The following LBR variants were observed in gnomAD, a reference collection of about 807,000 sequenced individuals.
LBR encodes delta(14)-sterol reductase LBR.
LBR carries 28 observed loss-of-function variants against 74.3 expected under a neutral mutation model. The observed-to-expected ratio is 0.38, with a 90% CI of 0.28 to 0.52. The LOEUF is 0.52. Among genes scored for constraint, LBR ranks in the 20% least tolerant of loss-of-function variants. The probability of loss-of-function intolerance (pLI) is 0.89; values close to 1 mark genes in which losing one functional copy is unlikely to be tolerated. For missense variants in LBR, 717 were observed against 760.3 expected, an observed-to-expected ratio of 0.94 and a Z score of 0.67; for synonymous variants, 228 against 269.3, an observed-to-expected ratio of 0.85 and a Z score of 1.50.
At chr1:225,404,992 C>T (rs757751144) in intron 11 of LBR, among the ~76,000 whole-genome samples, 4 of 152,120 alleles carry the variant, frequency 2.6e-5, no homozygotes, top group Non-Finnish European at 5.9e-5. Context: ...AATCATCCAC[C>T]TAGGAAACGC....
At chr1:225,423,020 C>A (rs2150959113) in intron 2 of LBR, among the ~76,000 whole-genome samples, 1 of 152,338 alleles carries the variant, frequency 6.6e-6, no homozygotes, top group Middle Eastern at 3.4e-3. Flanking sequence ...TATTTACTTT[C>A]TGTGCTTTAT....
In LBR at chr1:225,419,064, T is replaced by A. The variant is rs140731412; in HGVS notation, c.640+199A>T. ...ACAGCTACAATGGCATCCTTTCTAC[T>A]CCATAATCCCTCAAAATGCTCCCAC... is the stretch of plus-strand genomic sequence containing the variant. On this transcript the variant is annotated intron_variant, in intron 5 of 13. Coordinates refer to ENST00000272163, the MANE Select transcript of LBR (RefSeq NM_002296.4). Among the ~76,000 whole-genome samples, 24 of 152,332 alleles carry A rather than the reference T, an allele frequency of 1.6e-4. No individual in the cohort carries two copies. The East Asian group carries it at 4.4e-3, about 28-fold the overall frequency.
chr1:225,405,350 T>G (rs950481987), intron 11 of LBR, among the ~76,000 whole-genome samples: 7 of 152,232 alleles, frequency 4.6e-5, no homozygotes. Flanking sequence ...ACTTCCTGCT[T>G]TGGTTTGAAT....
chr1:225,413,074 A>G (rs1350520723), intron 7 of LBR, among the ~76,000 whole-genome samples: 1 of 152,222 alleles, frequency 6.6e-6, no homozygotes. Flanking sequence ...TCAGGCACCG[A>G]GCCAGGTTGG....
intron 3 of LBR, among the ~76,000 whole-genome samples, chr1:225,421,054 T>C (rs775118418): frequency 1.3e-5 from 2 of 152,216 alleles, no homozygotes; most frequent in Non-Finnish European, 2.9e-5. Context: ...AAGTTACATG[T>C]ATACAATTTA....
chr1:225,403,950 G>T (rs888928765), intron 13 of LBR, among the ~76,000 whole-genome samples: 9 of 135,582 alleles, frequency 6.6e-5, no homozygotes, highest in African/African-American at 2.5e-4. Flanking sequence ...AGTACCTCCA[G>T]CTCCCCCTGA....
At chr1:225,414,182 G>T (rs758350141) in intron 7 of LBR, 11 of 455,012 alleles carry the variant, frequency 2.4e-5, no homozygotes, top group South Asian at 3.1e-5. Context: ...ACCCACCAGG[G>T]GTCAGACTCT....
chr1:225,404,821 G>A (rs2150943715), intron 11 of LBR, 115 bp from the exon 12 acceptor site: 1 of 815,518 alleles, frequency 1.2e-6, no homozygotes, highest in East Asian at 2.7e-5. Context: ...TTCCAAAGCA[G>A]ACTCCTAGGC....
chr1:225,417,829 A>T, intron 6 of LBR, 155 bp downstream of exon 6: 1 of 689,274 alleles, frequency 1.5e-6, no homozygotes. Flanking sequence ...CCTTTAAACT[A>T]CTCTAAGGCT....
At chr1:225,411,570 TGA>T in intron 8 of LBR, 130 bp from the exon 9 acceptor site, 1 of 746,302 alleles carries the variant, frequency 1.3e-6, no homozygotes, top group African/African-American at 1.7e-5. Flanking sequence ...GCTCTGGTGG[TGA>T]GAGGCAGACA....
intron 7 of LBR, chr1:225,413,761 G>A (rs1327833278): frequency 1.8e-5 from 6 of 336,852 alleles, no homozygotes; most frequent in East Asian, 7.6e-5. Flanking sequence ...GTTAATAATC[G>A]TAAAATCTCG....
At chr1:225,420,341 G>A (rs1386766173) in intron 3 of LBR, among the ~76,000 whole-genome samples, 6 of 150,636 alleles carry the variant, frequency 4.0e-5, no homozygotes, top group Non-Finnish European at 8.9e-5. Context: ...GATCTTTCAC[G>A]TAATCAGACT....
intron 1 of LBR, among the ~76,000 whole-genome samples, chr1:225,425,475 T>C (rs2096137329): frequency 6.6e-6 from 1 of 152,124 alleles, no homozygotes; most frequent in East Asian, 1.9e-4. Flanking sequence ...GGGTTTGGGC[T>C]TGGAGTAGTG....
intron 1 of LBR, 53 bp from the exon 2 acceptor site, chr1:225,424,142 T>TGA: frequency 2.2e-6 from 3 of 1,371,042 alleles, no homozygotes; most frequent in Non-Finnish European, 3.1e-6. Context: ...ATTTATGTAT[T>TGA]CGTCTTTTTC....
At chr1:225,405,281 T>C (rs890367615) in intron 11 of LBR, among the ~76,000 whole-genome samples, 1 of 152,232 alleles carries the variant, frequency 6.6e-6, no homozygotes, top group African/African-American at 2.4e-5. Context: ...AATCAATCTA[T>C]CACTGACATT....
chr1:225,420,203 C>T (rs371800562), intron 3 of LBR, among the ~76,000 whole-genome samples: 1 of 150,912 alleles, frequency 6.6e-6, no homozygotes, highest in Admixed American at 6.6e-5. Context: ...CCAGCTACTT[C>T]GGAAGCTGAG....
At chr1:225,414,250 A>G (rs1472890982) in intron 7 of LBR, 1 of 418,166 alleles carries the variant, frequency 2.4e-6, no homozygotes, top group East Asian at 7.1e-5. Context: ...AGGTGTCTAA[A>G]CTATCTTTGG....
At chr1:225,419,519 T>C in intron 4 of LBR, 67 bp from the exon 5 acceptor site, 1 of 1,129,236 alleles carries the variant, frequency 8.9e-7, no homozygotes, top group Non-Finnish European at 1.3e-6. Context: ...CTGCATTAAC[T>C]ATTTCAGCAT....
At chr1:225,420,748 A>C (rs1187213921) in intron 3 of LBR, among the ~76,000 whole-genome samples, 1 of 152,086 alleles carries the variant, frequency 6.6e-6, no homozygotes, top group Non-Finnish European at 1.5e-5. Context: ...TTAGAACAGT[A>C]AGTTGAAAAT....
Sources: gnomAD v4.1 joint callset for allele counts (sites outside exome capture counted in the v4.1 genomes callset) on GRCh38, gnomAD v4.1.1 for gene constraint, MANE v1.5 for transcripts, NCBI Gene and HGNC (gene_info 2026-07-23, HGNC 2026-07-21) for gene names.